The following EYS variants were observed in gnomAD, a reference collection of about 807,000 sequenced individuals.
EYS encodes the protein protein eyes shut homolog.
In EYS, 250 loss-of-function variants were observed where a neutral mutation model predicts 282.1. The observed-to-expected ratio is 0.89, with a 90% CI of 0.80 to 0.98. The LOEUF is 0.98. Ranked by LOEUF, EYS falls within the 50% of genes least tolerant of loss-of-function variation. EYS has a pLI of 0.00. For synonymous variants in EYS, 1,355 were observed against 1,282.9 expected (o/e 1.06, Z -1.20); for missense variants, 4,016 against 3,709.0 (o/e 1.08, Z -2.15).
intron 35 of EYS, among the ~76,000 whole-genome samples, chr6:63,946,119 G>A (rs797006719): frequency 3.3e-5 from 5 of 152,122 alleles, no homozygotes; most frequent in Non-Finnish European, 5.9e-5. Flanking sequence ...CAAGCTCAGG[G>A]CTCTGACGTA....
intron 22 of EYS, among the ~76,000 whole-genome samples, chr6:64,766,642 A>C (rs1773348170): frequency 2.9e-5 from 1 of 34,096 alleles, no homozygotes; most frequent in Non-Finnish European, 5.7e-5. Context: ...AAAAAAAAAA[A>C]AAAAAAAATA....
intron 12 of EYS, among the ~76,000 whole-genome samples, chr6:65,096,309 C>T (rs1308901101): frequency 1.3e-5 from 2 of 150,410 alleles, no homozygotes; most frequent in South Asian, 4.2e-4. Flanking sequence ...AAGACTTGTA[C>T]ACTAAAACTA....
At chr6:64,877,472 AATG>A (rs1354004257) in intron 19 of EYS, among the ~76,000 whole-genome samples, 4 of 152,220 alleles carry the variant, frequency 2.6e-5, no homozygotes, top group African/African-American at 7.2e-5. Context: ...AAATAGAAAT[AATG>A]ATGATCTAAA....
intron 14 of EYS, among the ~76,000 whole-genome samples, chr6:64,956,405 T>C (rs1769702015): frequency 6.6e-6 from 1 of 152,166 alleles, no homozygotes; most frequent in African/African-American, 2.4e-5. Flanking sequence ...AGAATGAAAC[T>C]GGATGCCTAT....
At chr6:64,478,734 C>T (rs1291278049) in intron 26 of EYS, among the ~76,000 whole-genome samples, 6 of 150,588 alleles carry the variant, frequency 4.0e-5, no homozygotes, top group Non-Finnish European at 8.9e-5. Flanking sequence ...AAACTATGGC[C>T]TTGAGAATAT....
At chr6:65,064,370 C>A (rs558332989) in intron 12 of EYS, among the ~76,000 whole-genome samples, 1 of 141,522 alleles carries the variant, frequency 7.1e-6, no homozygotes, top group Admixed American at 7.3e-5. Flanking sequence ...GATATATATA[C>A]CATATACTAT....
intron 12 of EYS, among the ~76,000 whole-genome samples, chr6:65,230,516 T>C (rs1766743741): frequency 1.3e-5 from 2 of 152,014 alleles, no homozygotes; most frequent in South Asian, 4.1e-4. Context: ...GAGTTGCTAA[T>C]CCTCGTCCCT....
chr6:65,549,612 C>T (rs892372699), intron 2 of EYS, among the ~76,000 whole-genome samples: 2 of 152,084 alleles, frequency 1.3e-5, no homozygotes, highest in African/African-American at 2.4e-5. Flanking sequence ...CAGAGAAGGG[C>T]TTATATTTAA....
At chr6:65,392,836 G>A (rs1429217780) in intron 7 of EYS, among the ~76,000 whole-genome samples, 1 of 151,186 alleles carries the variant, frequency 6.6e-6, no homozygotes, top group Non-Finnish European at 1.5e-5. Flanking sequence ...ATACCCAAAG[G>A]AATATAAATC....
intron 28 of EYS, among the ~76,000 whole-genome samples, chr6:64,407,789 T>C (rs986001843): frequency 4.6e-5 from 7 of 152,176 alleles, no homozygotes; most frequent in Non-Finnish European, 8.8e-5. Context: ...TGGAGTGCAA[T>C]GGTGTGATCT....
chr6:65,390,633 C>T (rs1189517547), intron 7 of EYS, among the ~76,000 whole-genome samples: 3 of 152,018 alleles, frequency 2.0e-5, no homozygotes, highest in Non-Finnish European at 4.4e-5. Context: ...TCTGTAATCC[C>T]AGCACTTTGG....
intron 36 of EYS, among the ~76,000 whole-genome samples, chr6:63,828,345 GA>G (rs1226436261): frequency 6.6e-6 from 1 of 151,996 alleles, no homozygotes; most frequent in Non-Finnish European, 1.5e-5. Context: ...GATTAACCAA[GA>G]AGAGAAAAAA....
At chr6:64,488,385 T>A (rs1459068257) in intron 26 of EYS, among the ~76,000 whole-genome samples, 1 of 151,014 alleles carries the variant, frequency 6.6e-6, no homozygotes, top group East Asian at 1.9e-4. Flanking sequence ...ACCTGGAAAG[T>A]GCTCATAAAA....
intron 31 of EYS, among the ~76,000 whole-genome samples, chr6:64,124,715 TTG>T (rs1773703381): frequency 6.6e-6 from 1 of 152,242 alleles, no homozygotes; most frequent in African/African-American, 2.4e-5. Context: ...AGCAAATTTC[TTG>T]ATTACTGGTA....
chr6:63,773,432 G>T lies in EYS; in HGVS notation c.7898+4574C>A, dbSNP rs115646139. 2.6e-3 allele frequency among the ~76,000 whole-genome samples: 397 copies of T among 152,318 alleles called. 1 individual carries two copies. Among genetic ancestry groups the T allele is most frequent in the African/African-American group, 9.3e-3 (388 of 41,572 alleles). ...CCATAGCTTCACAAGAAACTCAGCT[G>T]ATTGCTTGGTAAGGAGAGGCGGTTT... On this transcript the variant is annotated intron_variant, in intron 40 of 42. Coordinates refer to ENST00000503581, the MANE Select transcript of EYS (RefSeq NM_001142800.2).
chr6:64,169,084 CCTT>C (rs1764392723), intron 31 of EYS, among the ~76,000 whole-genome samples: 2 of 152,166 alleles, frequency 1.3e-5, no homozygotes. Context: ...TTATTACCCT[CCTT>C]AGATTTGTGA....
intron 5 of EYS, among the ~76,000 whole-genome samples, chr6:65,464,359 C>T (rs1330598312): frequency 6.6e-6 from 1 of 152,160 alleles, no homozygotes; most frequent in East Asian, 1.9e-4. Flanking sequence ...TTGTTTACTA[C>T]AGAATAGCAA....
intron 35 of EYS, among the ~76,000 whole-genome samples, chr6:63,871,037 C>T (rs1772789761): frequency 6.6e-6 from 1 of 152,158 alleles, no homozygotes; most frequent in Admixed American, 6.5e-5. Flanking sequence ...CCTTCAGCAC[C>T]TCTCTTGACT....
chr6:65,682,128 T>G (rs2149838863), intron 1 of EYS, among the ~76,000 whole-genome samples: 1 of 152,144 alleles, frequency 6.6e-6, no homozygotes, highest in Admixed American at 6.6e-5. Context: ...TTGAATAAAG[T>G]TTGCCTCCCT....
Sources: gnomAD v4.1 joint callset for allele counts (sites outside exome capture counted in the v4.1 genomes callset) on GRCh38, gnomAD v4.1.1 for gene constraint, MANE v1.5 for transcripts, NCBI Gene and HGNC (gene_info 2026-07-23, HGNC 2026-07-21) for gene names.